RALYL: variants seen among roughly 807,000 people sequenced by gnomAD.
The protein encoded by RALYL is RNA-binding Raly-like protein.
A neutral mutation model predicts 35.1 loss-of-function variants in RALYL; 29 were observed. The ratio of observed to expected loss-of-function variants is 0.83; its 90% CI spans 0.61 to 1.13. The LOEUF is 1.13. Among genes scored for constraint, RALYL ranks in the 50% most tolerant of loss-of-function variants. The probability of loss-of-function intolerance (pLI) is 0.00; values close to 1 mark genes in which losing one functional copy is unlikely to be tolerated. For synonymous variants in RALYL, 120 were observed against 127.6 expected (o/e 0.94, Z 0.40); for missense variants, 359 against 360.4 (o/e 1.00, Z 0.03).
intron 2 of RALYL, among the ~76,000 whole-genome samples, chr8:84,705,741 G>C (rs1031596525): frequency 6.6e-6 from 1 of 152,166 alleles, no homozygotes; most frequent in Non-Finnish European, 1.5e-5. Context: ...ATGGACAGCA[G>C]TTTAGTAGTA....
At chr8:84,548,979 A>G (rs2060540406) in intron 2 of RALYL, among the ~76,000 whole-genome samples, 1 of 152,164 alleles carries the variant, frequency 6.6e-6, no homozygotes, top group South Asian at 2.1e-4. Context: ...ATGTACTCGC[A>G]AATTGGATCA....
intron 1 of RALYL, among the ~76,000 whole-genome samples, chr8:84,515,458 T>A (rs149448346): frequency 1.3e-5 from 2 of 152,200 alleles, no homozygotes; most frequent in Admixed American, 6.5e-5. Context: ...TTCCTTTCAA[T>A]GTGGTTCCTA....
chr8:84,386,032 T>C (rs1859121835), intron 1 of RALYL, among the ~76,000 whole-genome samples: 1 of 151,850 alleles, frequency 6.6e-6, no homozygotes, highest in Non-Finnish European at 1.5e-5. Flanking sequence ...TGCAAAGCAG[T>C]GTAAGCATTC....
At chr8:84,441,861 A>G (rs1359240624) in intron 1 of RALYL, among the ~76,000 whole-genome samples, 3 of 152,028 alleles carry the variant, frequency 2.0e-5, no homozygotes, top group Non-Finnish European at 4.4e-5. Flanking sequence ...TTCATATCTC[A>G]GGACTAGTAT....
At chr8:84,898,939 T>C (rs946164591) in intron 8 of RALYL, among the ~76,000 whole-genome samples, 3 of 152,210 alleles carry the variant, frequency 2.0e-5, no homozygotes, top group African/African-American at 7.2e-5. Context: ...TCTCTTCAAC[T>C]AGATTTAAAA....
chr8:84,225,981 G>T (rs1232643134), intron 1 of RALYL, among the ~76,000 whole-genome samples: 1 of 152,210 alleles, frequency 6.6e-6, no homozygotes, highest in Non-Finnish European at 1.5e-5. Context: ...GAGTGGAGCA[G>T]CTGATCATTA....
intron 4 of RALYL, among the ~76,000 whole-genome samples, chr8:84,827,504 T>C (rs1007333657): frequency 6.6e-6 from 1 of 152,134 alleles, no homozygotes; most frequent in South Asian, 2.1e-4. Flanking sequence ...AATAGACTTA[T>C]TGTAACATGG....
chr8:84,766,596 C>T (rs982338732), intron 2 of RALYL, among the ~76,000 whole-genome samples: 9 of 150,350 alleles, frequency 6.0e-5, no homozygotes, highest in East Asian at 3.9e-4. Context: ...TGGTGGCACA[C>T]GCCTGTAATC....
At chr8:84,571,964 A>G (rs561182457) in intron 2 of RALYL, among the ~76,000 whole-genome samples, 3 of 151,952 alleles carry the variant, frequency 2.0e-5, no homozygotes, top group Admixed American at 2.0e-4. Flanking sequence ...ATTCAACTGT[A>G]GTCTGAGAAG....
intron 2 of RALYL, among the ~76,000 whole-genome samples, chr8:84,608,921 C>A (rs570430581): frequency 6.6e-6 from 1 of 152,092 alleles, no homozygotes. Flanking sequence ...AAGAGTGTAA[C>A]ATCTAATAGG....
chr8:84,673,201 C>T (rs1378707668), intron 2 of RALYL, among the ~76,000 whole-genome samples: 1 of 152,012 alleles, frequency 6.6e-6, no homozygotes, highest in Non-Finnish European at 1.5e-5. Context: ...TGTTATTTGC[C>T]TACTTTTTAA....
intron 1 of RALYL, among the ~76,000 whole-genome samples, chr8:84,513,112 G>C (rs1216829179): frequency 1.3e-5 from 2 of 152,054 alleles, no homozygotes; most frequent in Non-Finnish European, 2.9e-5. Context: ...GCTTTGGGTG[G>C]TATAATCATT....
chr8:84,763,014 A>T (rs751699493), intron 2 of RALYL, among the ~76,000 whole-genome samples: 1 of 152,174 alleles, frequency 6.6e-6, no homozygotes, highest in Non-Finnish European at 1.5e-5. Context: ...ATTTAAGCTA[A>T]ATGTGTTATA....
chr8:84,636,404 A>T (rs1460584416), intron 2 of RALYL, among the ~76,000 whole-genome samples: 1 of 151,780 alleles, frequency 6.6e-6, no homozygotes, highest in East Asian at 1.9e-4. Context: ...TCTTCCTGTG[A>T]GAGATGGAAT....
At chr8:84,231,577 G>A (rs1563575211) in intron 1 of RALYL, among the ~76,000 whole-genome samples, 1 of 152,134 alleles carries the variant, frequency 6.6e-6, no homozygotes, top group African/African-American at 2.4e-5. Context: ...TCCCGGTGAG[G>A]GCTGGAGGGC....
intron 8 of RALYL, among the ~76,000 whole-genome samples, chr8:84,892,603 T>A (rs1182158928): frequency 2.1e-5 from 3 of 143,788 alleles, no homozygotes; most frequent in African/African-American, 2.6e-5. Context: ...GAGCAAAAAC[T>A]CTGTCTTAAA....
intron 1 of RALYL, among the ~76,000 whole-genome samples, chr8:84,419,553 T>TA (rs1421136091): frequency 1.2e-4 from 19 of 152,152 alleles, no homozygotes; most frequent in African/African-American, 4.3e-4. Context: ...CTTTTTTTTT[T>TA]TTATTATTAT....
intron 8 of RALYL, among the ~76,000 whole-genome samples, chr8:84,906,653 T>C (rs1190683793): frequency 2.6e-5 from 4 of 151,962 alleles, no homozygotes; most frequent in African/African-American, 7.3e-5. Flanking sequence ...GCTGACCTTT[T>C]ACAATTCTTG....
intron 2 of RALYL, among the ~76,000 whole-genome samples, chr8:84,732,683 T>TACACACACAC (rs1554553642): frequency 1.4e-3 from 183 of 132,458 alleles, no homozygotes; most frequent in Non-Finnish European, 1.9e-3. Flanking sequence ...TATATATATA[T>TACACACACAC]ACACACACAC....
Sources: gnomAD v4.1 joint callset for allele counts (sites outside exome capture counted in the v4.1 genomes callset) on GRCh38, gnomAD v4.1.1 for gene constraint, MANE v1.5 for transcripts, NCBI Gene and HGNC (gene_info 2026-07-23, HGNC 2026-07-21) for gene names.